NSD2: variants seen among roughly 807,000 people sequenced by gnomAD.
NSD2 encodes nuclear receptor binding SET domain protein 2, also known as histone-lysine N-methyltransferase NSD2.
NSD2 carries 12 observed loss-of-function variants against 139.0 expected under a neutral mutation model. That is an observed-to-expected ratio of 0.09 (90% CI 0.06 to 0.14). The LOEUF is 0.14. Among genes scored for constraint, NSD2 ranks in the 10% least tolerant of loss-of-function variants. NSD2 has a pLI of 1.00. For missense variants in NSD2, 1,155 were observed against 1,745.0 expected (o/e 0.66, Z 6.02); for synonymous variants, 669 against 648.7 (o/e 1.03, Z -0.48).
chr4:1,890,721 C>T (rs1173704074), intron 1 of NSD2, among the ~76,000 whole-genome samples: 1 of 151,990 alleles, frequency 6.6e-6, no homozygotes, highest in African/African-American at 2.4e-5. Context: ...ACCTCAGCCT[C>T]CCAAGTAGCT....
intron 6 of NSD2, among the ~76,000 whole-genome samples, chr4:1,934,878 A>AAT (rs1161633448): frequency 0.098 from 2,148 of 21,876 alleles, 153 homozygotes; most frequent in Non-Finnish European, 0.11. Context: ...AAAAAAAAAA[A>AAT]ATATATATAT....
intron 9 of NSD2, among the ~76,000 whole-genome samples, chr4:1,950,493 G>A (rs1228611727): frequency 2.6e-5 from 4 of 152,270 alleles, no homozygotes; most frequent in Non-Finnish European, 4.4e-5. Flanking sequence ...AAGAGAAACC[G>A]AACGGTCAGC....
chr4:1,917,079 A>T (rs1719489577), intron 4 of NSD2, 42 bp downstream of exon 4: 1 of 1,511,072 alleles, frequency 6.6e-7, no homozygotes, highest in Non-Finnish European at 8.9e-7. Flanking sequence ...CCAGAAATTT[A>T]ATTTTTATTC....
chr4:1,940,370 A>G, intron 9 of NSD2: 1 of 1,064,698 alleles, frequency 9.4e-7, no homozygotes, highest in African/African-American at 1.6e-5. Flanking sequence ...GGACTTGCAG[A>G]GTACATGATA....
chr4:1,922,440 TA>T (rs1720275702), intron 5 of NSD2, among the ~76,000 whole-genome samples: 1 of 152,242 alleles, frequency 6.6e-6, no homozygotes, highest in South Asian at 2.1e-4. Context: ...AAGATGTATT[TA>T]TATATAGGAA....
intron 3 of NSD2, among the ~76,000 whole-genome samples, chr4:1,915,457 CTTTG>C (rs1425478606): frequency 6.6e-6 from 1 of 152,122 alleles, no homozygotes; most frequent in East Asian, 1.9e-4. Flanking sequence ...TCAAATATCT[CTTTG>C]TTTTTCTGTG....
At chr4:1,941,761 G>A (rs1723123013) in intron 9 of NSD2, 2 of 1,049,002 alleles carry the variant, frequency 1.9e-6, no homozygotes, top group East Asian at 5.5e-5. Flanking sequence ...TCTTCCATTA[G>A]TGTTCATTTT....
intron 9 of NSD2, chr4:1,943,195 T>C: frequency 9.6e-7 from 1 of 1,041,398 alleles, no homozygotes; most frequent in Non-Finnish European, 1.2e-6. Context: ...AAAGGCTTAC[T>C]TGCCCTTCAG....
intron 9 of NSD2, chr4:1,946,558 TG>T (rs1723656377): frequency 2.0e-6 from 2 of 1,017,486 alleles, no homozygotes; most frequent in Admixed American, 5.9e-5. Flanking sequence ...CGTAAGCCAC[TG>T]CACCTGGCGG....
Position 1,978,870 on chromosome 4 carries a change from G to A in NSD2, c.4059G>A (p.Arg1353=). 1 of 1,592,538 alleles carries A rather than the reference G, an allele frequency of 6.3e-7. No homozygotes were observed. Among genetic ancestry groups the A allele is most frequent in the Non-Finnish European group, 8.6e-7 (1 of 1,166,702 alleles). ...CAGGGAAGCCGAAGGGGAAGAGGCGGCGGCGGAGGGGCTGGCGGAGAGTCA... is the reference window on the plus strand; with the variant it reads ...CAGGGAAGCCGAAGGGGAAGAGGCGACGGCGGAGGGGCTGGCGGAGAGTCA... ...PEPGKPKGKR[R]RRRGWRRVTE... is the part of the protein sequence containing the mutation. Residue 1353 remains arginine (R), a synonymous_variant, in exon 22 of 22, where the codon CGG becomes CGA. Transcript: ENST00000508803.
chr4:1,939,552 G>C (rs1722859720), intron 8 of NSD2, 102 bp from the exon 9 acceptor site: 1 of 1,189,868 alleles, frequency 8.4e-7, no homozygotes, highest in East Asian at 2.5e-5. Flanking sequence ...GAATTCAGAA[G>C]ATTCATCTTT....
intron 5 of NSD2, among the ~76,000 whole-genome samples, chr4:1,921,730 CA>C (rs1312813296): frequency 7.5e-6 from 1 of 134,182 alleles, no homozygotes; most frequent in East Asian, 2.2e-4. Context: ...TGCAGCGAGC[CA>C]AAATCACGCC....
chr4:1,979,179 C>G lies in NSD2; in HGVS notation c.*270C>G, dbSNP rs1397747298. The G allele has an allele frequency of 2.6e-5, 10 of 383,892 alleles. No homozygotes were observed. The East Asian group carries it at 3.9e-4, about 15-fold the overall frequency. The allele number at this position is 383,892 out of a possible 1,614,324, so 23.8% of individuals were successfully genotyped here. On this transcript the variant is annotated 3_prime_UTR_variant, in exon 22 of 22. Coordinates refer to ENST00000508803, the MANE Select transcript of NSD2 (RefSeq NM_001042424.3). ...CGTTACCGCCACACTTGAATTTCTC[C>G]GAATGTCAAGGTTCCCTCCCACTCT...
chr4:1,900,559 G>T (rs963470005), intron 1 of NSD2, 67 bp from the exon 2 acceptor site: 40 of 1,078,308 alleles, frequency 3.7e-5, no homozygotes, highest in Non-Finnish European at 5.0e-5. Context: ...AGAGGTCCTG[G>T]CATACCTATC....
In NSD2 at chr4:1,976,683, G is replaced by A. The variant is rs1157054284; in HGVS notation, c.3826+4G>A. ...GGCCTTGGCAAGCGGCCCTTCGGTG[G>A]GTGTGCAGCCTCGCGGTGGCTTGCA... On this transcript the variant is annotated splice_donor_region_variant and intron_variant, in intron 21 of 21. Coordinates refer to ENST00000508803, the MANE Select transcript of NSD2 (RefSeq NM_001042424.3). This position sits in a 1 kb window ranked among gnomAD's most constrained non-coding sequence, Gnocchi z 5.3. The A allele has an allele frequency of 6.4e-7, 1 of 1,570,216 alleles. No homozygotes were observed. The highest frequency in any genetic ancestry group is 8.6e-7 in the Non-Finnish European group (1 of 1,157,846).
intron 5 of NSD2, among the ~76,000 whole-genome samples, chr4:1,928,681 A>G (rs1038015031): frequency 5.3e-5 from 8 of 151,568 alleles, no homozygotes; most frequent in Non-Finnish European, 1.2e-4. Flanking sequence ...AGTAAAGGAC[A>G]CTGTTAGCAT....
At chr4:1,950,076 A>C (rs907231240) in intron 9 of NSD2, among the ~76,000 whole-genome samples, 2 of 152,262 alleles carry the variant, frequency 1.3e-5, no homozygotes, top group Admixed American at 6.5e-5. Flanking sequence ...TTCATCTCCA[A>C]AATTCAGTGT....
chr4:1,890,361 T>C (rs1369841097), intron 1 of NSD2, among the ~76,000 whole-genome samples: 3 of 152,002 alleles, frequency 2.0e-5, no homozygotes, highest in African/African-American at 7.3e-5. Flanking sequence ...TGCAGTGGCA[T>C]GATCTCGGCT....
chr4:1,939,316 T>A, intron 8 of NSD2: 1 of 291,086 alleles, frequency 3.4e-6, no homozygotes, highest in Non-Finnish European at 6.6e-6. Context: ...ACTTTATGTT[T>A]AGAGATTTGT....
Sources: gnomAD v4.1 joint callset for allele counts (sites outside exome capture counted in the v4.1 genomes callset) on GRCh38, gnomAD v4.1.1 for gene constraint, Gnocchi (gnomAD v3.1) non-coding constraint, MANE v1.5 for transcripts, NCBI Gene and HGNC (gene_info 2026-07-23, HGNC 2026-07-21) for gene names.